Variants in PGM2 observed in about 807,000 individuals in gnomAD.
The protein encoded by PGM2 is phosphopentomutase.
PGM2 carries 57 observed loss-of-function variants against 74.6 expected under a neutral mutation model. The observed-to-expected ratio is 0.76, with a 90% CI of 0.62 to 0.95. The LOEUF (loss-of-function observed/expected upper bound fraction) is 0.95, where lower values mean the gene tolerates loss of function less well. PGM2 is among the 40% of genes least tolerant of loss of function. The probability of loss-of-function intolerance (pLI) is 0.00; values close to 1 mark genes in which losing one functional copy is unlikely to be tolerated. For synonymous variants in PGM2, 273 were observed against 260.7 expected (o/e 1.05, Z -0.46); for missense variants, 706 against 741.9 (o/e 0.95, Z 0.56).
chr4:37,845,245 CA>C lies in PGM2; in HGVS notation c.910-387del, dbSNP rs1306192776. Reference sequence around the variant, plus strand: ...GTTGCTTACATTATGGTTTCTGTAACATTTTTAAAGGTTGGGGTAGCAGTGG... The same window carrying C: ...GTTGCTTACATTATGGTTTCTGTAACTTTTTAAAGGTTGGGGTAGCAGTGG... On this transcript the variant is annotated intron_variant, in intron 7 of 13. Transcript: ENST00000381967. Among the ~76,000 whole-genome samples, 3 of 152,140 alleles carry C rather than the reference CA, an allele frequency of 2.0e-5. No homozygotes were observed. In the East Asian group the frequency reaches 5.8e-4, roughly 29 times the overall value.
chr4:37,855,533 T>C lies in PGM2; in HGVS notation c.1603-75T>C, dbSNP rs1726169812. On this transcript the variant is annotated intron_variant, in intron 12 of 13. Transcript: ENST00000381967. ...TAGATTTGTTTGGCATTTATTTTCT[T>C]ACTTATGCAAGAGAAGATATTGGTT... The C allele has an allele frequency of 6.8e-6, 9 of 1,314,256 alleles. No individual in the cohort carries two copies. In the South Asian group the frequency reaches 1.3e-4, roughly 19 times the overall value. The allele number at this position is 1,314,256 out of a possible 1,614,324, so 81.4% of individuals were successfully genotyped here.
rs957148554 is a variant in PGM2 at position 37,840,461 on chromosome 4, C to T, written c.719+202C>T. 2.0e-5 allele frequency among the ~76,000 whole-genome samples: 3 copies of T among 152,240 alleles called. No individual in the cohort carries two copies. The East Asian group carries it at 5.8e-4, about 29-fold the overall frequency. On this transcript the variant is annotated intron_variant, in intron 6 of 13. Transcript: ENST00000381967. ...TGCAGTGGCACGATTTGGCTCACTA[C>T]AACCTCTGCCTTCTGGGTTCAAGCG...
chr4:37,853,430 G>GT (rs1726108350), intron 12 of PGM2, among the ~76,000 whole-genome samples: 1 of 135,802 alleles, frequency 7.4e-6, no homozygotes. Context: ...CCTAATTATA[G>GT]TTTTTTAAAA....
chr4:37,852,257 C>T (rs1384253690), intron 12 of PGM2, among the ~76,000 whole-genome samples: 2 of 149,892 alleles, frequency 1.3e-5, no homozygotes, highest in African/African-American at 2.5e-5. Context: ...TAAGCTACTG[C>T]GCCTGCCTTA....
chr4:37,830,246 G>A, intron 2 of PGM2, 115 bp downstream of exon 2: 2 of 689,004 alleles, frequency 2.9e-6, no homozygotes, highest in South Asian at 5.4e-5. Context: ...GCTAGACACA[G>A]GAAGTCACCA....
In PGM2 at chr4:37,840,123, G is replaced by T. The variant is rs774773425; in HGVS notation, c.583G>T (p.Ala195Ser). 9 of 1,613,964 alleles carry T rather than the reference G, an allele frequency of 5.6e-6. No homozygotes were observed. The South Asian group carries it at 9.9e-5, about 18-fold the overall frequency. Residue 195 changes from alanine to serine, a missense_variant, in exon 6 of 14, where the codon GCT (alanine) becomes TCT (serine). Ala to Ser is a moderately conservative substitution (Grantham distance 99). Coordinates refer to ENST00000381967, the MANE Select transcript of PGM2 (RefSeq NM_018290.4). ...ISPHDKGISQ[A>S]IEENLEPWPQ... is the part of the protein sequence containing the mutation. ...TCCTCACGATAAAGGGATTTCTCAA[G>T]CTATTGAAGAAAATCTAGAACCGTG...
chr4:37,847,087 C>T lies in PGM2; in HGVS notation c.1164C>T (p.Ala388=), dbSNP rs1725897765. ...CCTCCAAAATCTTGCGGGCCATTGC[C>T]TTAAAGGAAGGTTTTCATTTTGAGG... ...TVSSKILRAI[A]LKEGFHFEET... Residue 388 remains alanine, a synonymous_variant, in exon 9 of 14, where the codon GCC becomes GCT. Coordinates refer to ENST00000381967, the MANE Select transcript of PGM2 (RefSeq NM_018290.4). 2 of 1,613,398 alleles carry T rather than the reference C, an allele frequency of 1.2e-6. No homozygotes were observed. The highest frequency in any genetic ancestry group is 1.3e-5 in the African/African-American group (1 of 74,890).
chr4:37,828,523 C>T (rs974822523), intron 1 of PGM2, among the ~76,000 whole-genome samples: 1 of 152,146 alleles, frequency 6.6e-6, no homozygotes, highest in African/African-American at 2.4e-5. Context: ...CTGGCAGGTG[C>T]CCTCTGTCTT....
chr4:37,845,581 C>G, intron 7 of PGM2, 52 bp from the exon 8 acceptor site: 1 of 1,224,498 alleles, frequency 8.2e-7, no homozygotes, highest in Non-Finnish European at 1.2e-6. Flanking sequence ...TAAAGACTAT[C>G]ATATGCTCGA....
chr4:37,849,468 G>A (rs181127632), intron 11 of PGM2, among the ~76,000 whole-genome samples: 1,906 of 140,574 alleles, frequency 0.014, 18 homozygotes, highest in Non-Finnish European at 0.02. Flanking sequence ...CTGGAGTGCA[G>A]TGGTGTGATC....
chr4:37,841,840 G>A (rs1401977682), intron 6 of PGM2, among the ~76,000 whole-genome samples: 1 of 152,200 alleles, frequency 6.6e-6, no homozygotes, highest in East Asian at 1.9e-4. Context: ...GTGTGTGCGC[G>A]CGTGCATGCA....
intron 13 of PGM2, among the ~76,000 whole-genome samples, chr4:37,860,282 T>G (rs1711722443): frequency 6.6e-6 from 1 of 152,360 alleles, no homozygotes; most frequent in East Asian, 1.9e-4. Context: ...ATAATTCATA[T>G]GTACTTAAAA....
intron 13 of PGM2, among the ~76,000 whole-genome samples, chr4:37,858,212 A>C (rs1233790890): frequency 6.6e-6 from 1 of 152,174 alleles, no homozygotes; most frequent in African/African-American, 2.4e-5. Flanking sequence ...TATTATATGC[A>C]TTGAAACATT....
intron 12 of PGM2, among the ~76,000 whole-genome samples, chr4:37,854,970 A>G (rs1560421210): frequency 6.6e-5 from 10 of 152,248 alleles, no homozygotes. Context: ...AAATGTATAC[A>G]TTGTGATAGC....
chr4:37,850,202 T>C lies in PGM2; in HGVS notation c.1431T>C (p.Thr477=). 1.9e-6 allele frequency: 3 copies of C among 1,568,688 alleles called. No individual in the cohort carries two copies. Among genetic ancestry groups the C allele is most frequent in the South Asian group, 1.2e-5 (1 of 84,372 alleles). Residue 477 remains threonine (T), a synonymous_variant, in exon 12 of 14, where the codon ACT becomes ACC. Coordinates refer to ENST00000381967, the MANE Select transcript of PGM2 (RefSeq NM_018290.4). The part of the protein sequence containing the change: ...AIYVEYGYHI[T]KASYFICHDQ... The stretch of plus-strand genomic sequence containing the variant: ...TTGATAGGTATGGCTACCATATTAC[T>C]AAAGCTTCCTATTTTATCTGCCATG...
At chr4:37,828,761 A>G (rs2911908) in intron 1 of PGM2, among the ~76,000 whole-genome samples, 125,279 of 152,168 alleles carry the variant, frequency 0.82, 51,764 homozygotes, top group East Asian at 0.88. Flanking sequence ...AGTGAAGTCC[A>G]TGTTTTCTGA....
chr4:37,855,013 C>T (rs1470000226), intron 12 of PGM2, among the ~76,000 whole-genome samples: 1 of 152,224 alleles, frequency 6.6e-6, no homozygotes, highest in Non-Finnish European at 1.5e-5. Context: ...TGTTACCTCA[C>T]ATATTGATCA....
Position 37,846,982 on chromosome 4 carries a change from G to C in PGM2, c.1059G>C (p.Trp353Cys). 2 of 1,613,956 alleles carry C rather than the reference G, an allele frequency of 1.2e-6. No individual in the cohort carries two copies. The highest frequency in any genetic ancestry group is 1.7e-6 in the Non-Finnish European group (2 of 1,179,894). ...ATGAGTTGGGGGCCCTCCTGGGCTG[G>C]TGGCTTTTTACATCTTGGAAAGAGA... ...SGNELGALLG[W>C]WLFTSWKEKN... Residue 353 changes from tryptophan (W) to cysteine (C), a missense_variant, in exon 9 of 14, where the codon TGG becomes TGC. Coordinates refer to ENST00000381967, the MANE Select transcript of PGM2 (RefSeq NM_018290.4).
At chr4:37,860,952 G>A (rs1711749748) in intron 13 of PGM2, among the ~76,000 whole-genome samples, 1 of 152,078 alleles carries the variant, frequency 6.6e-6, no homozygotes, top group Non-Finnish European at 1.5e-5. Context: ...ATGACCACAG[G>A]GATCTGATTT....
Sources: allele counts gnomAD v4.1 joint callset (sites outside exome capture counted in the v4.1 genomes callset), GRCh38; gene constraint gnomAD v4.1.1; transcripts MANE v1.5; gene names NCBI Gene and HGNC (gene_info 2026-07-23, HGNC 2026-07-21).